Variants in LRRC37A2 observed in about 807,000 individuals in gnomAD.
LRRC37A2 encodes leucine rich repeat containing 37 member A2.
Under a neutral mutation model 68.8 loss-of-function variants are expected in LRRC37A2, and 9 were observed. The observed-to-expected ratio is 0.13, with a 90% CI of 0.08 to 0.23. The LOEUF (loss-of-function observed/expected upper bound fraction) is 0.23. LRRC37A2 is among the 10% of genes least tolerant of loss of function. The probability of loss-of-function intolerance (pLI) is 1.00; values close to 1 mark genes in which losing one functional copy is unlikely to be tolerated. For missense variants in LRRC37A2, 168 were observed against 950.4 expected, an observed-to-expected ratio of 0.18 and a Z score of 10.82; for synonymous variants, 63 against 367.6, an observed-to-expected ratio of 0.17 and a Z score of 9.48.
At chr17:46,980,749 C>T in the LRRC37A2 span, among the ~76,000 whole-genome samples, 8 of 151,104 alleles carry the variant, frequency 5.3e-5, no homozygotes, top group Non-Finnish European at 8.8e-5. Context: ...AGGAGAATGG[C>T]GTGAACCCGG....
chr17:46,753,258 C>T, the LRRC37A2 span, among the ~76,000 whole-genome samples: 15 of 152,220 alleles, frequency 9.9e-5, no homozygotes, highest in African/African-American at 2.9e-4. Context: ...GGGCAGTGAG[C>T]GGCAGAGGTG....
the LRRC37A2 span, among the ~76,000 whole-genome samples, chr17:46,786,941 CT>C: frequency 3.2e-3 from 461 of 142,406 alleles, no homozygotes; most frequent in Admixed American, 3.1e-3. Flanking sequence ...TTTCTTTTTT[CT>C]TTTTTTTTTT....
the LRRC37A2 span, among the ~76,000 whole-genome samples, chr17:46,918,847 C>T: frequency 3.3e-5 from 5 of 152,106 alleles, no homozygotes; most frequent in African/African-American, 1.2e-4. Flanking sequence ...TTGTAGTTTC[C>T]CCTGCACATC....
At chr17:46,771,445 A>AGCG in the LRRC37A2 span, among the ~76,000 whole-genome samples, 3 of 149,940 alleles carry the variant, frequency 2.0e-5, no homozygotes, top group African/African-American at 7.3e-5. Flanking sequence ...TCGCGGCGGC[A>AGCG]GCGGCGCCCG....
chr17:46,822,015 G>A, the LRRC37A2 span, among the ~76,000 whole-genome samples: 3 of 152,262 alleles, frequency 2.0e-5, no homozygotes, highest in Non-Finnish European at 4.4e-5. Context: ...GCTGCCAGGC[G>A]GGAGTCGGGA....
the LRRC37A2 span, among the ~76,000 whole-genome samples, chr17:46,803,731 C>T: frequency 6.6e-6 from 1 of 152,228 alleles, no homozygotes; most frequent in Non-Finnish European, 1.5e-5. Flanking sequence ...GCTCCAGCCA[C>T]AGCCCTTGCA....
the LRRC37A2 span, among the ~76,000 whole-genome samples, chr17:46,722,635 A>T: frequency 6.6e-6 from 1 of 152,194 alleles, no homozygotes; most frequent in Non-Finnish European, 1.5e-5. Context: ...CCTGGGCCAG[A>T]AAGGGTGAAA....
At chr17:46,915,333 C>T in the LRRC37A2 span, among the ~76,000 whole-genome samples, 1 of 152,172 alleles carries the variant, frequency 6.6e-6, no homozygotes, top group Non-Finnish European at 1.5e-5. Context: ...GGTTGCTGGG[C>T]TTCTTCCATG....
chr17:46,805,324 GC>G, the LRRC37A2 span, among the ~76,000 whole-genome samples: 4 of 152,104 alleles, frequency 2.6e-5, no homozygotes, highest in Admixed American at 2.6e-4. Flanking sequence ...TGTAATCCCA[GC>G]ATTTTGGGAG....
At chr17:46,862,188 A>G in the LRRC37A2 span, among the ~76,000 whole-genome samples, 1 of 151,998 alleles carries the variant, frequency 6.6e-6, no homozygotes, top group Non-Finnish European at 1.5e-5. Context: ...AAGAAAAAGA[A>G]AAAGAAAAGG....
the LRRC37A2 span, among the ~76,000 whole-genome samples, chr17:46,472,941 T>C: frequency 2.9e-5 from 2 of 68,680 alleles, no homozygotes; most frequent in Admixed American, 2.8e-4. Flanking sequence ...TATATATATA[T>C]ATTGTATAGG....
the LRRC37A2 span, chr17:46,965,175 C>T: frequency 6.6e-6 from 1 of 152,162 alleles, no homozygotes; most frequent in Admixed American, 6.5e-5. Flanking sequence ...TGGGCAGGGC[C>T]CAGGGCATAG....
chr17:47,026,534 T>C, the LRRC37A2 span, among the ~76,000 whole-genome samples: 1 of 152,168 alleles, frequency 6.6e-6, no homozygotes, highest in Non-Finnish European at 1.5e-5. Context: ...ATGCTGGTCT[T>C]TGCAAGCCAC....
At chr17:46,832,599 G>T in the LRRC37A2 span, among the ~76,000 whole-genome samples, 2 of 152,184 alleles carry the variant, frequency 1.3e-5, no homozygotes, top group African/African-American at 2.4e-5. Flanking sequence ...GCAGTTAGGG[G>T]AGCCCCTGCC....
At chr17:47,000,048 TAAAATAAAATA>T in the LRRC37A2 span, among the ~76,000 whole-genome samples, 4 of 27,840 alleles carry the variant, frequency 1.4e-4, no homozygotes, top group African/African-American at 2.1e-4. Flanking sequence ...TAAAATAAAA[TAAAATAAAATA>T]AAATTAAAAT....
At chr17:46,953,347 T>C in the LRRC37A2 span, among the ~76,000 whole-genome samples, 3 of 152,222 alleles carry the variant, frequency 2.0e-5, no homozygotes, top group South Asian at 2.1e-4. Context: ...GGTTTCCAGC[T>C]TCATCCATGT....
At chr17:46,614,570 A>T in the LRRC37A2 span, among the ~76,000 whole-genome samples, 1 of 23,060 alleles carries the variant, frequency 4.3e-5, no homozygotes, top group Middle Eastern at 7.7e-3. Flanking sequence ...ATGGAAGGCA[A>T]GGAAGGGAGA....
chr17:47,011,461 A>G, the LRRC37A2 span, among the ~76,000 whole-genome samples: 1 of 151,812 alleles, frequency 6.6e-6, no homozygotes, highest in Admixed American at 6.6e-5. Flanking sequence ...TGGCAGCAGA[A>G]TCGCTTGAGC....
chr17:46,747,677 AG>A, the LRRC37A2 span, among the ~76,000 whole-genome samples: 3 of 152,244 alleles, frequency 2.0e-5, no homozygotes, highest in Non-Finnish European at 4.4e-5. Context: ...AAAATAAGTT[AG>A]TGTAAAGGTT....
Sources: allele counts gnomAD v4.1 joint callset (sites outside exome capture counted in the v4.1 genomes callset), GRCh38; gene constraint gnomAD v4.1.1; transcripts MANE v1.5; gene names NCBI Gene and HGNC (gene_info 2026-07-23, HGNC 2026-07-21).